The following KIF14 variants were observed in gnomAD, a reference collection of about 807,000 sequenced individuals.
KIF14 encodes kinesin-like protein KIF14.
KIF14 carries 98 observed loss-of-function variants against 176.2 expected under a neutral mutation model. The ratio of observed to expected loss-of-function variants is 0.56; its 90% confidence interval spans 0.47 to 0.66. The LOEUF is 0.66. Ranked by LOEUF, KIF14 falls within the 30% of genes least tolerant of loss-of-function variation. KIF14 has a pLI of 0.00. For synonymous variants in KIF14, 566 were observed against 632.2 expected, an observed-to-expected ratio of 0.90 and a Z score of 1.57; for missense variants, 1,751 against 1,920.4, an observed-to-expected ratio of 0.91 and a Z score of 1.65.
At chr1:200,607,500 A>C (rs1419651240) in intron 5 of KIF14, among the ~76,000 whole-genome samples, 2 of 152,238 alleles carry the variant, frequency 1.3e-5, no homozygotes, top group African/African-American at 4.8e-5. Context: ...TATGATTTAT[A>C]TACTTTTAAA....
chr1:200,562,565 A>G (rs4332382), intron 25 of KIF14, among the ~76,000 whole-genome samples: 28,682 of 152,144 alleles, frequency 0.19, 3,359 homozygotes, highest in African/African-American at 0.32. Flanking sequence ...TTCTCCCACT[A>G]TTCTAGTACT....
chr1:200,598,485 A>C, intron 13 of KIF14, 64 bp from the exon 14 acceptor site: 1 of 1,193,572 alleles, frequency 8.4e-7, no homozygotes, highest in Non-Finnish European at 1.2e-6. Flanking sequence ...ATTCACCTAA[A>C]ACAAATGGTC....
chr1:200,617,644 T>C lies in KIF14; in HGVS notation c.1080A>G (p.Thr360=). The C allele has an allele frequency of 1.9e-6, 3 of 1,612,594 alleles. No individual in the cohort carries two copies. The highest frequency in any genetic ancestry group is 2.5e-6 in the Non-Finnish European group (3 of 1,178,974). The change falls in exon 2 of 30, where the codon ACA becomes ACG. Residue 360 remains threonine (T), a synonymous_variant. Coordinates refer to ENST00000367350, the MANE Select transcript of KIF14 (RefSeq NM_014875.3). Reference sequence around the variant, plus strand: ...TGAAAGGTCTTACGCGTACTGCCACTGTCACTTGACTATTCTCTACTTTTA... The same window carrying C: ...TGAAAGGTCTTACGCGTACTGCCACCGTCACTTGACTATTCTCTACTTTTA... ...DPLKVENSQV[T]VAVRVRPFTK... is the part of the protein sequence containing the mutation.
At chr1:200,587,319 G>C (rs1341462248) in intron 18 of KIF14, among the ~76,000 whole-genome samples, 2 of 149,348 alleles carry the variant, frequency 1.3e-5, no homozygotes. Context: ...AAAGCAATTT[G>C]TACTTCTAAA....
In KIF14 at chr1:200,618,611, A is replaced by ATATCC. The variant is rs768572463; in HGVS notation, c.112_113insGGATA (p.Leu38ArgfsTer5). ...TTCTGACATATCCGACTTCAAATGCAGCTTAAGTCGGCTACTGTGGGTGAG... is the reference window on the plus strand; with the variant it reads ...TTCTGACATATCCGACTTCAAATGCATATCCGCTTAAGTCGGCTACTGTGGGTGAG... On this transcript the variant is annotated frameshift_variant, in exon 2 of 30. Coordinates refer to ENST00000367350, the MANE Select transcript of KIF14 (RefSeq NM_014875.3). LOFTEE classifies it high-confidence loss of function. The ATATCC allele has an allele frequency of 6.8e-6, 11 of 1,614,050 alleles. No homozygotes were observed. The African/African-American group carries it at 1.3e-4, about 20-fold the overall frequency.
chr1:200,589,522 A>AAATATCCCTAGTCAAACTT (rs75982554), intron 17 of KIF14, among the ~76,000 whole-genome samples, 153 bp from the exon 18 acceptor site: 1 of 151,860 alleles, frequency 6.6e-6, no homozygotes, highest in African/African-American at 2.4e-5. Context: ...AACTAAAAAT[A>AAATATCCCTAGTCAAACTT]CTTAAGAGTA....
intron 20 of KIF14, 46 bp downstream of exon 20, chr1:200,581,155 G>A (rs373064383): frequency 1.1e-6 from 1 of 891,886 alleles, no homozygotes; most frequent in Non-Finnish European, 1.7e-6. Flanking sequence ...TGATATAAAG[G>A]CCAACTTGTT....
In KIF14 at chr1:200,565,252, C is replaced by T. The variant is rs1378982449; in HGVS notation, c.3888G>A (p.Leu1296=). Reference sequence around the variant, plus strand: ...ACTGGATTGCTCGATCAGAAGAAAACACTTTGAAAGAAGAAGAAAAATTAC... The same window carrying T: ...ACTGGATTGCTCGATCAGAAGAAAATACTTTGAAAGAAGAAGAAAAATTAC... The part of the protein sequence containing the change: ...EEQDEESQDN[L]FSSDRAIQSL... Residue 1296 remains leucine, a splice_region_variant and synonymous_variant, in exon 25 of 30, where the codon TTG becomes TTA. Transcript: ENST00000367350. 1 of 1,584,364 alleles carries T rather than the reference C, an allele frequency of 6.3e-7. No homozygotes were observed. The highest frequency in any genetic ancestry group is 8.5e-7 in the Non-Finnish European group (1 of 1,169,850).
At position 200,591,690 on chromosome 1, in the gene KIF14, C is replaced by T. The variant is rs190934700; in HGVS notation, c.2813+390G>A. ...TCTATTGGGATTCTCCTCTATGGGACGTCTTCTCATCTTCTAGAAACCTTC... is the reference window on the plus strand; with the variant it reads ...TCTATTGGGATTCTCCTCTATGGGATGTCTTCTCATCTTCTAGAAACCTTC... On this transcript the variant is annotated intron_variant, in intron 16 of 29. Transcript: ENST00000367350. 4.8e-3 allele frequency among the ~76,000 whole-genome samples: 733 copies of T among 152,288 alleles called. 16 individuals are homozygous for T. Among genetic ancestry groups the T allele is most frequent in the Non-Finnish European group, 5.3e-3 (363 of 68,022 alleles).
intron 21 of KIF14, among the ~76,000 whole-genome samples, chr1:200,578,116 T>G (rs1658234348): frequency 6.6e-6 from 1 of 152,186 alleles, no homozygotes. Context: ...GGTAACATAC[T>G]TTTTAAATGT....
At chr1:200,560,618 T>C in intron 26 of KIF14, 104 bp downstream of exon 26, 1 of 1,230,260 alleles carries the variant, frequency 8.1e-7, no homozygotes, top group South Asian at 1.4e-5. Flanking sequence ...GTACAAGCTA[T>C]TTTGAAAACT....
chr1:200,613,114 C>T (rs974842049), intron 4 of KIF14, among the ~76,000 whole-genome samples: 16 of 152,112 alleles, frequency 1.1e-4, no homozygotes, highest in African/African-American at 3.9e-4. Flanking sequence ...TCTCGAACTC[C>T]TGACCTCAGG....
intron 19 of KIF14, among the ~76,000 whole-genome samples, chr1:200,583,196 G>T (rs971140657): frequency 5.3e-5 from 8 of 151,646 alleles, no homozygotes; most frequent in African/African-American, 1.9e-4. Context: ...AGATGATGTT[G>T]GTATCCTGAT....
rs1437594196 is a variant in KIF14, at chr1:200,560,832, C to T, written c.4120G>A (p.Ala1374Thr). ...SSMIKEAQKN[A>T]IQIVQQAVKY... ...ACAGCTTGTTGTACAATTTGGATTG[C>T]ATTCTTTTGAGCCTCTTTTATCATT... The change falls in exon 26 of 30, where the codon GCA becomes ACA. Residue 1374 changes from alanine (A) to threonine (T), a missense_variant. Transcript: ENST00000367350. 6.2e-7 allele frequency: 1 copy of T among 1,614,008 alleles called. No individual in the cohort carries two copies. The highest frequency in any genetic ancestry group is 8.5e-7 in the Non-Finnish European group (1 of 1,179,868).
intron 21 of KIF14, among the ~76,000 whole-genome samples, chr1:200,576,977 G>A (rs1005973694): frequency 1.3e-5 from 2 of 151,886 alleles, no homozygotes; most frequent in South Asian, 2.1e-4. Context: ...CTCCAGGCAC[G>A]CAACACCACA....
intron 27 of KIF14, among the ~76,000 whole-genome samples, chr1:200,558,788 T>C (rs1453684509): frequency 6.6e-6 from 1 of 152,226 alleles, no homozygotes; most frequent in Admixed American, 6.5e-5. Context: ...TTCAAATACA[T>C]GTCTTCTAAT....
At position 200,618,249 on chromosome 1, in the gene KIF14, C is replaced by T. The variant is rs1660509789; in HGVS notation, c.475G>A (p.Glu159Lys). The T allele has an allele frequency of 6.2e-7, 1 of 1,613,710 alleles. No individual in the cohort carries two copies. Among genetic ancestry groups the T allele is most frequent in the Admixed American group, 1.7e-5 (1 of 60,004 alleles). Residue 159 changes from glutamate to lysine, a missense_variant, in exon 2 of 30, where the codon GAA (glutamate) becomes AAA (lysine). Physicochemically the swap from Glu to Lys is moderately conservative, Grantham distance 56. Coordinates refer to ENST00000367350, the MANE Select transcript of KIF14 (RefSeq NM_014875.3). ...GETENNGVSK[E>K]SRTNVRIVNN... ...ACAATCCTTACATTTGTTCTACTTT[C>T]CTTAGAAACACCATTATTTTCTGTT...
intron 15 of KIF14, among the ~76,000 whole-genome samples, chr1:200,592,577 T>C (rs1356663207): frequency 6.6e-6 from 1 of 152,198 alleles, no homozygotes; most frequent in African/African-American, 2.4e-5. Context: ...GGTTTCACCA[T>C]GTTGGCTAGG....
intron 1 of KIF14, 108 bp from the exon 2 acceptor site, chr1:200,618,946 T>C: frequency 2.3e-6 from 1 of 435,018 alleles, no homozygotes. Context: ...TACATTACAA[T>C]AGATCACAAT....
Sources: allele counts gnomAD v4.1 joint callset (sites outside exome capture counted in the v4.1 genomes callset), GRCh38; gene constraint gnomAD v4.1.1; transcripts MANE v1.5; gene names NCBI Gene and HGNC (gene_info 2026-07-23, HGNC 2026-07-21).